Variants in ITLN1 observed in about 807,000 individuals in gnomAD.
ITLN1 encodes intelectin 1.
A neutral mutation model predicts 36.2 loss-of-function variants in ITLN1; 29 were observed. That is an observed-to-expected ratio of 0.80 (90% CI 0.60 to 1.09). ITLN1 has a LOEUF of 1.09. ITLN1 is among the 50% of genes least tolerant of loss of function. The probability of loss-of-function intolerance (pLI) is 0.00; values close to 1 mark genes in which losing one functional copy is unlikely to be tolerated. For missense variants in ITLN1, 358 were observed against 405.2 expected, an observed-to-expected ratio of 0.88 and a Z score of 1.00; for synonymous variants, 143 against 146.5, an observed-to-expected ratio of 0.98 and a Z score of 0.17.
At chr1:160,881,066 C>T (rs1431617790) in intron 5 of ITLN1, 88 bp downstream of exon 5, 46 of 1,381,314 alleles carry the variant, frequency 3.3e-5, no homozygotes, top group Non-Finnish European at 3.9e-5. Flanking sequence ...GGGAGACAGA[C>T]CCATTAAAAA....
chr1:160,884,677 C>T lies in ITLN1; in HGVS notation c.58+143G>A, dbSNP rs973270900. 2.8e-5 allele frequency: 18 copies of T among 637,878 alleles called. No homozygotes were observed. In the East Asian group the frequency reaches 3.3e-4, roughly 12 times the overall value. 39.5% of individuals were successfully genotyped at this position (637,878 alleles called of 1,614,324 possible). On this transcript the variant is annotated intron_variant, in intron 2 of 7. Coordinates refer to ENST00000326245, the MANE Select transcript of ITLN1 (RefSeq NM_017625.3). ...ACCTTCACTGCCACAGGCCAGATTC[C>T]GCCAGAGACCAGAAATCGGCACTCA...
intron 3 of ITLN1, 75 bp from the exon 4 acceptor site, chr1:160,882,279 C>T: frequency 6.6e-7 from 1 of 1,511,734 alleles, no homozygotes; most frequent in Non-Finnish European, 8.9e-7. Context: ...CAAGAAAGGC[C>T]CTAGGAACCA....
chr1:160,879,180 G>T, intron 7 of ITLN1, 131 bp downstream of exon 7: 1 of 724,336 alleles, frequency 1.4e-6, no homozygotes, highest in South Asian at 1.6e-5. Context: ...CAATGAGCAA[G>T]AGAAGGTCAC....
intron 6 of ITLN1, among the ~76,000 whole-genome samples, chr1:160,879,911 A>C (rs1557855476): frequency 6.6e-6 from 1 of 152,192 alleles, no homozygotes; most frequent in Non-Finnish European, 1.5e-5. Context: ...TAGAAAAAAA[A>C]GTCTCGCCAT....
chr1:160,877,743 G>T (rs922097808), intron 7 of ITLN1, among the ~76,000 whole-genome samples: 1 of 152,220 alleles, frequency 6.6e-6, no homozygotes, highest in African/African-American at 2.4e-5. Context: ...GTAATCCCCA[G>T]TGTTGGGGGT....
At chr1:160,878,812 C>T (rs1419427909) in intron 7 of ITLN1, among the ~76,000 whole-genome samples, 1 of 152,102 alleles carries the variant, frequency 6.6e-6, no homozygotes, top group Non-Finnish European at 1.5e-5. Context: ...AAAAGGATGG[C>T]CTGAGTGAGG....
In ITLN1 at chr1:160,882,090, C is replaced by A. The variant is rs754348725; in HGVS notation, c.272G>T (p.Arg91Leu). The A allele has an allele frequency of 1.2e-6, 2 of 1,614,222 alleles. No homozygotes were observed. The highest frequency in any genetic ancestry group is 2.2e-5 in the South Asian group (2 of 91,088). Residue 91 changes from arginine to leucine, a missense_variant, in exon 4 of 8, where the codon CGT becomes CTT. By Grantham distance (102) the Arg-to-Leu change is moderately radical (BLOSUM62 -2). Transcript: ENST00000326245. The part of the protein sequence containing the change: ...LVASVHENDM[R>L]GKCTVGDRWS... ...GCGATCGCCCACCGTGCACTTCCCACGCATGTCATTCTCGTGCACGCTGGC... is the reference window on the plus strand; with the variant it reads ...GCGATCGCCCACCGTGCACTTCCCAAGCATGTCATTCTCGTGCACGCTGGC...
Position 160,880,698 on chromosome 1 carries a change from A to G in ITLN1, c.575T>C (p.Val192Ala). 1 of 1,613,990 alleles carries G rather than the reference A, an allele frequency of 6.2e-7. No individual in the cohort carries two copies. Among genetic ancestry groups the G allele is most frequent in the African/African-American group, 1.3e-5 (1 of 74,986 alleles). Reference protein sequence around the residue: ...NLFGIYQKYPVKYGEGKCWTD... With the variant: ...NLFGIYQKYPAKYGEGKCWTD... ...CCAACACTTTCCTTCTCCATATTTC[A>G]CTGGATATTTCTACAAAGAACACAG... The change falls in exon 6 of 8, where the codon GTG becomes GCG. Residue 192 changes from valine (V) to alanine (A), a missense_variant. Val to Ala is a moderately conservative substitution (Grantham distance 64). Transcript: ENST00000326245.
At chr1:160,882,344 G>A (rs1670695498) in intron 3 of ITLN1, 140 bp from the exon 4 acceptor site, 1 of 1,025,024 alleles carries the variant, frequency 9.8e-7, no homozygotes, top group South Asian at 2.0e-5. Flanking sequence ...GCTCCCAGGG[G>A]TACTGGGGCC....
Position 160,882,188 on chromosome 1 carries a change from G to A in ITLN1, c.174C>T (p.Leu58=). The change falls in exon 4 of 8, where the codon CTC becomes CTT. Residue 58 remains leucine, a synonymous_variant. Transcript: ENST00000326245. ...CPSAFDGLYF[L]RTENGVIYQT... The stretch of plus-strand genomic sequence containing the variant: ...GGTAGATAACACCATTCTCAGTGCG[G>A]AGAAAATACAGGCCATCTGTAGAGA... The A allele has an allele frequency of 6.3e-7, 1 of 1,583,294 alleles. No homozygotes were observed. The highest frequency in any genetic ancestry group is 8.6e-7 in the Non-Finnish European group (1 of 1,162,594).
rs1467468996 is a variant in ITLN1 at position 160,879,301 on chromosome 1, AGAGACTCAC to A, written c.789+1_789+9del. 9 of 1,605,128 alleles carry A rather than the reference AGAGACTCAC, an allele frequency of 5.6e-6. No homozygotes were observed. Among genetic ancestry groups the A allele is most frequent in the Non-Finnish European group, 7.7e-6 (9 of 1,171,850 alleles). ...ACTCACAGGTCCCTGCAGTCCCCAC[AGAGACTCAC>A]GTGCTCAGTGTTACATCCGGTGACC... On this transcript the variant is annotated splice_donor_variant and splice_donor_5th_base_variant and intron_variant, in intron 7 of 7. Transcript: ENST00000326245. LOFTEE classifies it high-confidence loss of function.
intron 3 of ITLN1, 29 bp downstream of exon 3, chr1:160,883,399 G>A (rs1670709498): frequency 6.8e-7 from 1 of 1,478,938 alleles, no homozygotes; most frequent in Admixed American, 1.7e-5. Flanking sequence ...TACCCTGACT[G>A]AGCTCTGTTT....
chr1:160,883,343 T>G (rs927137049), intron 3 of ITLN1, 85 bp downstream of exon 3: 2 of 896,522 alleles, frequency 2.2e-6, no homozygotes, highest in Non-Finnish European at 3.6e-6. Context: ...TTTACCATAA[T>G]TTTTTAACTA....
At position 160,883,524 on chromosome 1, in the gene ITLN1, C is replaced by G; in HGVS notation, c.61G>C (p.Glu21Gln). 6.3e-7 allele frequency: 1 copy of G among 1,599,234 alleles called. No individual in the cohort carries two copies. The highest frequency in any genetic ancestry group is 8.6e-7 in the Non-Finnish European group (1 of 1,166,734). ...CATTCCTTGAAGTAAGTATTAGCCTCATCTAGGGAATACACAGGGTTTATT... is the reference window on the plus strand; with the variant it reads ...CATTCCTTGAAGTAAGTATTAGCCTGATCTAGGGAATACACAGGGTTTATT... The part of the protein sequence containing the change: ...IATTRGWSTD[E>Q]ANTYFKEWTC... Residue 21 changes from glutamate (E) to glutamine (Q), a missense_variant and splice_region_variant, in exon 3 of 8, where the codon GAG (glutamate) becomes CAG (glutamine). Physicochemically the swap from Glu to Gln is conservative, Grantham distance 29. Coordinates refer to ENST00000326245, the MANE Select transcript of ITLN1 (RefSeq NM_017625.3).
At chr1:160,881,448 C>G in intron 4 of ITLN1, 136 bp from the exon 5 acceptor site, 1 of 955,078 alleles carries the variant, frequency 1.0e-6, no homozygotes, top group Non-Finnish European at 1.5e-6. Flanking sequence ...TCAGACACCC[C>G]ACTCCCAGCC....
chr1:160,884,701 C>A, intron 2 of ITLN1, 119 bp downstream of exon 2: 1 of 678,618 alleles, frequency 1.5e-6, no homozygotes, highest in Non-Finnish European at 2.6e-6. Flanking sequence ...AATCGGCACT[C>A]AGTCTACATG....
intron 4 of ITLN1, 104 bp from the exon 5 acceptor site, chr1:160,881,416 A>G: frequency 7.4e-7 from 1 of 1,351,484 alleles, no homozygotes; most frequent in Non-Finnish European, 9.9e-7. Flanking sequence ...TGGACTCCAG[A>G]TGAGCAGATG....
chr1:160,881,140 G>A lies in ITLN1; in HGVS notation c.564+14C>T. On this transcript the variant is annotated intron_variant, in intron 5 of 7. Coordinates refer to ENST00000326245, the MANE Select transcript of ITLN1 (RefSeq NM_017625.3). ...CACCCATGAAAACCAGTCCCAGCCA[G>A]CAGCCTTCTGTACCTGGTAGATGCC... 1.3e-6 allele frequency: 2 copies of A among 1,588,606 alleles called. No homozygotes were observed. Among genetic ancestry groups the A allele is most frequent in the Middle Eastern group, 1.7e-4 (1 of 5,924 alleles).
At chr1:160,879,283 G>A (rs781390182) in intron 7 of ITLN1, 28 bp downstream of exon 7, 2 of 1,536,088 alleles carry the variant, frequency 1.3e-6, no homozygotes, top group Non-Finnish European at 1.8e-6. Flanking sequence ...CTTACTCACA[G>A]GTCCCTGCAG....
Sources: allele counts gnomAD v4.1 joint callset (sites outside exome capture counted in the v4.1 genomes callset), GRCh38; gene constraint gnomAD v4.1.1; transcripts MANE v1.5; gene names NCBI Gene and HGNC (gene_info 2026-07-23, HGNC 2026-07-21).